The following KRT17 variants were observed in gnomAD, a reference collection of about 807,000 sequenced individuals.
KRT17 encodes the protein keratin 17.
KRT17 carries 29 observed loss-of-function variants against 45.6 expected under a neutral mutation model. That is an observed-to-expected ratio of 0.64 (90% CI 0.47 to 0.87). The LOEUF (loss-of-function observed/expected upper bound fraction) is 0.87. Ranked by LOEUF, KRT17 falls within the 40% of genes least tolerant of loss-of-function variation. KRT17 has a pLI of 0.00. For synonymous variants in KRT17, 219 were observed against 234.6 expected (o/e 0.93, Z 0.61); for missense variants, 536 against 577.8 (o/e 0.93, Z 0.74).
rs752861612 is a variant in KRT17 at position 41,622,388 on chromosome 17, C to A, written c.639G>T (p.Glu213Asp). 9.3e-6 allele frequency: 15 copies of A among 1,613,950 alleles called. No individual in the cohort carries two copies. The highest frequency in any genetic ancestry group is 1.3e-5 in the Non-Finnish European group (15 of 1,180,042). ...DLEMQIENLK[E>D]ELAYLKKNHE... ...GGTTCTTCTTCAGGTAGGCCAGCTC[C>A]TCCTTGAGGTTCTCAATCTGCATCT... The change falls in exon 3 of 8, where the codon GAG becomes GAT. Residue 213 changes from glutamate (E) to aspartate (D), a missense_variant. Coordinates refer to ENST00000311208, the MANE Select transcript of KRT17 (RefSeq NM_000422.3).
At chr17:41,622,547 T>C (rs764343912) in intron 2 of KRT17, 36 bp from the exon 3 acceptor site, 78 of 1,611,812 alleles carry the variant, frequency 4.8e-5, no homozygotes, top group Admixed American at 8.3e-5. Context: ...CCCAGGCTGC[T>C]TGGACCTGCA....
rs1269356031 is a variant in KRT17, at chr17:41,621,724, C to A, written c.703G>T (p.Gly235Cys). Residue 235 changes from glycine (G) to cysteine (C), a missense_variant, in exon 4 of 8, where the codon GGT becomes TGT. By Grantham distance (159) the Gly-to-Cys change is radical. Transcript: ENST00000311208. ...EMNALRGQVG[G>C]EINVEMDAAP... Reference sequence around the variant, plus strand: ...GCGTCCATCTCCACATTGATCTCACCACCCACCTGGCCTCGCAGGGCGTTC... The same window carrying A: ...GCGTCCATCTCCACATTGATCTCACAACCCACCTGGCCTCGCAGGGCGTTC... 1.2e-6 allele frequency: 2 copies of A among 1,612,036 alleles called. No homozygotes were observed.
Position 41,619,513 on chromosome 17 carries a change from G to T in KRT17, c.*81C>A. Reference sequence around the variant, plus strand: ...GAAGGGACTGAAGCAGGGGGCTGAGGCTGGAGAGGCCGGAGACTGTGGGGC... The same window carrying T: ...GAAGGGACTGAAGCAGGGGGCTGAGTCTGGAGAGGCCGGAGACTGTGGGGC... On this transcript the variant is annotated 3_prime_UTR_variant, in exon 8 of 8. Transcript: ENST00000311208. 6.2e-7 allele frequency: 1 copy of T among 1,610,132 alleles called. No individual in the cohort carries two copies. The highest frequency in any genetic ancestry group is 8.5e-7 in the Non-Finnish European group (1 of 1,178,842).
intron 7 of KRT17, chr17:41,620,116 T>C: frequency 1.0e-6 from 1 of 985,348 alleles, no homozygotes; most frequent in Non-Finnish European, 1.2e-6. Flanking sequence ...GGATCATATA[T>C]TCTCCATCAG....
rs768111081 is a variant in KRT17 at position 41,619,578 on chromosome 17, C to T, written c.*16G>A. ...CCTCCCTGCCTCCTGGGTGGCCGGC[C>T]GGGGTAGCTGAGTCCTCAGCGGGTG... On this transcript the variant is annotated 3_prime_UTR_variant, in exon 8 of 8. Coordinates refer to ENST00000311208, the MANE Select transcript of KRT17 (RefSeq NM_000422.3). 1.6e-5 allele frequency: 26 copies of T among 1,611,832 alleles called. No individual in the cohort carries two copies. The highest frequency in any genetic ancestry group is 6.7e-5 in the East Asian group (3 of 44,884).
chr17:41,621,476 C>T, intron 4 of KRT17, 117 bp downstream of exon 4: 1 of 1,283,128 alleles, frequency 7.8e-7, no homozygotes, highest in Non-Finnish European at 1.1e-6. Flanking sequence ...CCCTGTGGTC[C>T]ATGCAGCTTA....
chr17:41,620,658 C>G lies in KRT17; in HGVS notation c.1181+1G>C. ...CCCTGACCCCAGGCGCCCCCACTCA[C>G]TGGGCATCCTCTCCCTCCAGCAGGC... is the stretch of plus-strand genomic sequence containing the variant. On this transcript the variant is annotated splice_donor_variant, in intron 6 of 7. Transcript: ENST00000311208. LOFTEE classifies it high-confidence loss of function. 1 of 1,612,124 alleles carries G rather than the reference C, an allele frequency of 6.2e-7. No homozygotes were observed. The highest frequency in any genetic ancestry group is 8.5e-7 in the Non-Finnish European group (1 of 1,179,872).
At chr17:41,620,239 C>T in intron 7 of KRT17, 1 of 985,384 alleles carries the variant, frequency 1.0e-6, no homozygotes, top group Non-Finnish European at 1.2e-6. Context: ...ATCATGAGAC[C>T]ATGTTCCTAT....
chr17:41,621,389 G>C (rs186950830), intron 4 of KRT17, among the ~76,000 whole-genome samples: 2 of 152,312 alleles, frequency 1.3e-5, no homozygotes, highest in East Asian at 3.9e-4. Context: ...TTTATTCTGA[G>C]GGAGCTCCCT....
At chr17:41,619,916 C>T in intron 7 of KRT17, 1 of 985,414 alleles carries the variant, frequency 1.0e-6, no homozygotes, top group Non-Finnish European at 1.2e-6. Context: ...CTTGCCTCCC[C>T]AGATGGGTTA....
chr17:41,623,068 G>A (rs773495079), intron 1 of KRT17, 36 bp from the exon 2 acceptor site: 1 of 1,527,506 alleles, frequency 6.5e-7, no homozygotes, highest in Non-Finnish European at 9.1e-7. Flanking sequence ...TCATTGGATG[G>A]GGGTGGCTGA....
In KRT17 at chr17:41,622,953, G is replaced by A. The variant is rs771791705; in HGVS notation, c.512C>T (p.Thr171Ile). ...CAAGGCCACAGCTAGGACTCACTTG[G>A]TGCGGAAGTCATCAGCAGCCAGACG... is the stretch of plus-strand genomic sequence containing the variant. The part of the protein sequence containing the change: ...NARLAADDFR[T>I]KFETEQALRL... Residue 171 changes from threonine to isoleucine, a missense_variant, in exon 2 of 8, where the codon ACC (threonine) becomes ATC (isoleucine). Physicochemically the swap from Thr to Ile is moderately conservative, Grantham distance 89 (BLOSUM62 -1). Transcript: ENST00000311208. The A allele has an allele frequency of 4.3e-6, 7 of 1,611,692 alleles. No individual in the cohort carries two copies. The highest frequency in any genetic ancestry group is 5.9e-6 in the Non-Finnish European group (7 of 1,179,126).
rs542208307 is a variant in KRT17, at chr17:41,622,948, A to G, written c.515+2T>C. The G allele has an allele frequency of 4.3e-6, 7 of 1,611,746 alleles. No homozygotes were observed. In the South Asian group the frequency reaches 6.6e-5, roughly 15 times the overall value. ...CTGCCCAAGGCCACAGCTAGGACTC[A>G]CTTGGTGCGGAAGTCATCAGCAGCC... On this transcript the variant is annotated splice_donor_variant, in intron 2 of 7. Coordinates refer to ENST00000311208, the MANE Select transcript of KRT17 (RefSeq NM_000422.3). LOFTEE classifies it high-confidence loss of function.
At chr17:41,620,583 G>A in intron 6 of KRT17, 25 bp from the exon 7 acceptor site, 2 of 1,610,988 alleles carry the variant, frequency 1.2e-6, no homozygotes, top group Non-Finnish European at 1.7e-6. Context: ...AAAACAGAGA[G>A]GAAATTAGAT....
rs1908463897 is a variant in KRT17, at chr17:41,619,498, A to T, written c.*96T>A. The stretch of plus-strand genomic sequence containing the variant: ...GCAAGGAAGCATGGGGAAGGGACTG[A>T]AGCAGGGGGCTGAGGCTGGAGAGGC... On this transcript the variant is annotated 3_prime_UTR_variant, in exon 8 of 8. Transcript: ENST00000311208. 6.2e-7 allele frequency: 1 copy of T among 1,606,592 alleles called. No individual in the cohort carries two copies. The highest frequency in any genetic ancestry group is 8.5e-7 in the Non-Finnish European group (1 of 1,176,474).
chr17:41,623,266 G>T, intron 1 of KRT17: 2 of 500,678 alleles, frequency 4.0e-6, no homozygotes, highest in Non-Finnish European at 7.5e-6. Flanking sequence ...CGGCCTTAAA[G>T]GAGAAGAGAC....
rs761469971 is a variant in KRT17 at position 41,624,348 on chromosome 17, AC to A, written c.161del (p.Gly54ValfsTer61). The A allele has an allele frequency of 6.2e-6, 10 of 1,610,978 alleles. No individual in the cohort carries two copies. In the Admixed American group the frequency reaches 1.2e-4, roughly 19 times the overall value. On this transcript the variant is annotated frameshift_variant, in exon 1 of 8. Transcript: ENST00000311208. LOFTEE classifies it high-confidence loss of function. ...AGCTGTAGCAGCTGGAGTAGCTGCT[AC>A]CCCCGAGGGTGCTGCCCAGGCCGCC... ...SAGGLGSTLGGSSYSSCYSFG... is the reference protein window; with the variant it reads ...SAGGLGSTLGXSSYSSCYSFG...
chr17:41,622,367 C>G lies in KRT17; in HGVS notation c.660G>C (p.Lys220Asn). ...CCAGCCACCTCACCTCCTCGTGGTT[C>G]TTCTTCAGGTAGGCCAGCTCCTCCT... Reference protein sequence around the residue: ...NLKEELAYLKKNHEEEMNALR... With the variant: ...NLKEELAYLKNNHEEEMNALR... The change falls in exon 3 of 8, where the codon AAG (lysine) becomes AAC (asparagine). Residue 220 changes from lysine (K) to asparagine (N), a missense_variant. Coordinates refer to ENST00000311208, the MANE Select transcript of KRT17 (RefSeq NM_000422.3). The G allele has an allele frequency of 6.2e-7, 1 of 1,613,574 alleles. No homozygotes were observed. Among genetic ancestry groups the G allele is most frequent in the Non-Finnish European group, 8.5e-7 (1 of 1,180,020 alleles).
intron 2 of KRT17, among the ~76,000 whole-genome samples, 159 bp from the exon 3 acceptor site, chr17:41,622,670 A>G (rs1180106249): frequency 1.3e-5 from 2 of 152,196 alleles, no homozygotes; most frequent in East Asian, 3.9e-4. Context: ...CCCCGGGACC[A>G]TCACAGGGCC....
Sources: gnomAD v4.1 joint callset for allele counts (sites outside exome capture counted in the v4.1 genomes callset) on GRCh38, gnomAD v4.1.1 for gene constraint, MANE v1.5 for transcripts, NCBI Gene and HGNC (gene_info 2026-07-23, HGNC 2026-07-21) for gene names.